The following TDRD9 variants were observed in gnomAD, a reference collection of about 807,000 sequenced individuals.
The protein encoded by TDRD9 is tudor domain containing 9, also known as ATP-dependent RNA helicase TDRD9.
TDRD9 carries 124 observed loss-of-function variants against 172.6 expected under a neutral mutation model. The observed-to-expected ratio is 0.72, with a 90% CI of 0.62 to 0.83. The LOEUF (loss-of-function observed/expected upper bound fraction) is 0.83, where lower values mean the gene tolerates loss of function less well. Ranked by LOEUF, TDRD9 falls within the 40% of genes least tolerant of loss-of-function variation. The pLI, the probability that TDRD9 is intolerant of heterozygous loss-of-function variation, is 0.00. For synonymous variants in TDRD9, 619 were observed against 617.1 expected, an observed-to-expected ratio of 1.00 and a Z score of -0.05; for missense variants, 1,479 against 1,714.1, an observed-to-expected ratio of 0.86 and a Z score of 2.42.
At chr14:104,030,577 G>GGCTGTCGGA (rs1350933614) in intron 28 of TDRD9, among the ~76,000 whole-genome samples, 2 of 152,204 alleles carry the variant, frequency 1.3e-5, no homozygotes, top group Admixed American at 6.5e-5. Context: ...ATGTTGCAAA[G>GGCTGTCGGA]GCTGTCGGAT....
At chr14:103,977,967 C>T (rs2033322269) in intron 7 of TDRD9, among the ~76,000 whole-genome samples, 1 of 152,146 alleles carries the variant, frequency 6.6e-6, no homozygotes, top group Non-Finnish European at 1.5e-5. Context: ...TCTTAAAAAT[C>T]AGTTGGCTGT....
chr14:104,001,283 C>T (rs1458282871), intron 13 of TDRD9, among the ~76,000 whole-genome samples: 3 of 152,210 alleles, frequency 2.0e-5, no homozygotes, highest in South Asian at 2.1e-4. Flanking sequence ...TCTGCAGCTT[C>T]GTAATTTCCG....
intron 4 of TDRD9, 52 bp downstream of exon 4, chr14:103,965,606 C>T: frequency 2.0e-6 from 3 of 1,464,758 alleles, no homozygotes; most frequent in African/African-American, 1.4e-5. Flanking sequence ...CTCTCTATTC[C>T]TTAATTTTAT....
At chr14:103,988,636 G>C (rs8003573) in intron 8 of TDRD9, among the ~76,000 whole-genome samples, 1,589 of 148,562 alleles carry the variant, frequency 0.011, 37 homozygotes, top group African/African-American at 0.037. Flanking sequence ...TTGTTCCTCT[G>C]TTTCTCTTTT....
In TDRD9 at chr14:104,042,724, G is replaced by A. The variant is rs560819576; in HGVS notation, c.3974+537G>A. Reference sequence around the variant, plus strand: ...AAGAAGAGTGGGAGTGGTCATGGAGGAGAAACCAGCATTCCACCTACCCAG... The same window carrying A: ...AAGAAGAGTGGGAGTGGTCATGGAGAAGAAACCAGCATTCCACCTACCCAG... On this transcript the variant is annotated intron_variant, in intron 34 of 35. Transcript: ENST00000409874. 2.0e-5 allele frequency among the ~76,000 whole-genome samples: 3 copies of A among 152,258 alleles called. No individual in the cohort carries two copies. In the South Asian group the frequency reaches 6.2e-4, roughly 32 times the overall value.
intron 9 of TDRD9, 87 bp downstream of exon 9, chr14:103,991,311 T>G: frequency 7.3e-7 from 1 of 1,361,130 alleles, no homozygotes; most frequent in Non-Finnish European, 1.0e-6. Context: ...TGAAAGATGG[T>G]ATTCTCCATA....
chr14:103,956,335 G>A (rs906817802), intron 2 of TDRD9, among the ~76,000 whole-genome samples: 1 of 151,564 alleles, frequency 6.6e-6, no homozygotes, highest in African/African-American at 2.4e-5. Flanking sequence ...CTACATGGGA[G>A]GCTGAGGCAG....
chr14:104,031,155 C>T lies in TDRD9; in HGVS notation c.3330C>T (p.Asn1110=). Reference sequence around the variant, plus strand: ...GCCTCTTTTCCAAGTCAGTAGAAAACATGACAGATGGCTCTGTGCCCTTTC... The same window carrying T: ...GCCTCTTTTCCAAGTCAGTAGAAAATATGACAGATGGCTCTGTGCCCTTTC... ...LKGLFSKSVE[N]MTDGSVPFPM... Residue 1110 remains asparagine (N), a synonymous_variant, in exon 29 of 36, where the codon AAC becomes AAT. Coordinates refer to ENST00000409874, the MANE Select transcript of TDRD9 (RefSeq NM_153046.3). 1 of 1,551,628 alleles carries T rather than the reference C, an allele frequency of 6.4e-7. No individual in the cohort carries two copies. Among genetic ancestry groups the T allele is most frequent in the South Asian group, 1.2e-5 (1 of 84,050 alleles).
intron 23 of TDRD9, among the ~76,000 whole-genome samples, chr14:104,019,335 T>C (rs1304980310): frequency 6.6e-6 from 1 of 152,150 alleles, no homozygotes; most frequent in East Asian, 1.9e-4. Context: ...CCTGTTCTTC[T>C]TGCCTGGGAC....
At position 103,997,122 on chromosome 14, in the gene TDRD9, T is replaced by C. The variant is rs2034085740; in HGVS notation, c.1378+1315T>C. Among the ~76,000 whole-genome samples, 1 of 152,008 alleles carries C rather than the reference T, an allele frequency of 6.6e-6. No individual in the cohort carries two copies. Among genetic ancestry groups the C allele is most frequent in the Admixed American group, 6.6e-5 (1 of 15,262 alleles). ...CTGTGCTGGGCAAGATGGAAAATCGTTGGTAGGTTTTGAAAACAGAAATGA... is the reference window on the plus strand; with the variant it reads ...CTGTGCTGGGCAAGATGGAAAATCGCTGGTAGGTTTTGAAAACAGAAATGA... On this transcript the variant is annotated intron_variant, in intron 12 of 35. Transcript: ENST00000409874. This position sits in a 1 kb window ranked among gnomAD's most constrained non-coding sequence, Gnocchi z 5.1.
chr14:104,003,524 TG>T (rs2034331236), intron 13 of TDRD9, among the ~76,000 whole-genome samples: 1 of 152,172 alleles, frequency 6.6e-6, no homozygotes, highest in African/African-American at 2.4e-5. Flanking sequence ...TCCCCATAGG[TG>T]GGGAAAGAAT....
At chr14:103,999,619 C>CTT (rs889915089) in intron 13 of TDRD9, among the ~76,000 whole-genome samples, 1 of 143,594 alleles carries the variant, frequency 7.0e-6, no homozygotes, top group African/African-American at 2.6e-5. Context: ...TGAGAAGTGG[C>CTT]TTTTTTTTTT....
rs2035944538 is a variant in TDRD9 at position 104,051,884 on chromosome 14, T to A, written c.4048-97T>A. The A allele has an allele frequency of 2.3e-5, 16 of 708,598 alleles. No homozygotes were observed. The East Asian group carries it at 4.5e-4, about 20-fold the overall frequency. 43.9% of individuals were successfully genotyped at this position (708,598 alleles called of 1,614,324 possible). ...CTGTAAATATTTTTGGAGAACTGAA[T>A]TATACTTTGTGCATCCTGGATGTTA... is the stretch of plus-strand genomic sequence containing the variant. On this transcript the variant is annotated intron_variant, in intron 35 of 35. Coordinates refer to ENST00000409874, the MANE Select transcript of TDRD9 (RefSeq NM_153046.3).
At position 103,938,438 on chromosome 14, in the gene TDRD9, A is replaced by ATT. The variant is rs1354196439; in HGVS notation, c.215+9715_215+9716insTT. ...TGTATATATATATATATATATATAT[A>ATT]TATTTTTTTTTTTTTTTTGAGATGG... On this transcript the variant is annotated intron_variant, in intron 1 of 35. Coordinates refer to ENST00000409874, the MANE Select transcript of TDRD9 (RefSeq NM_153046.3). Among the ~76,000 whole-genome samples the ATT allele has an allele frequency of 2.5e-3, 104 of 41,736 alleles. 4 individuals carry two copies. The highest frequency in any genetic ancestry group is 5.2e-3 in the South Asian group (4 of 772). The allele number at this position is 41,736 out of a possible 152,430, so 27.4% of individuals were successfully genotyped here. A position where few individuals can be genotyped will look rare whatever the true frequency, so the allele number is the denominator to read the frequency against.
At chr14:103,950,420 C>T (rs1034958844) in intron 1 of TDRD9, among the ~76,000 whole-genome samples, 1 of 152,194 alleles carries the variant, frequency 6.6e-6, no homozygotes, top group African/African-American at 2.4e-5. Context: ...ATAAATGTCC[C>T]TTCTTCCACC....
Position 104,018,139 on chromosome 14 carries a change from GTC to G in TDRD9, c.2385_2386del (p.Phe796Ter). 6.2e-7 allele frequency: 1 copy of G among 1,609,258 alleles called. No homozygotes were observed. The highest frequency in any genetic ancestry group is 8.5e-7 in the Non-Finnish European group (1 of 1,176,956). Reference protein sequence around the residue: ...YGFLYYKQLQSLFRQCGQVKS... With the variant: ...YGFLYYKQLQXLFRQCGQVKS... ...GATTTCTTTACTATAAACAACTACA[GTC>G]TCTCTTTAGACAGTGTGGTCAAGTC... On this transcript the variant is annotated frameshift_variant, in exon 23 of 36. Transcript: ENST00000409874. LOFTEE classifies it high-confidence loss of function.
At chr14:104,030,849 G>A (rs940973219) in intron 28 of TDRD9, among the ~76,000 whole-genome samples, 2 of 152,042 alleles carry the variant, frequency 1.3e-5, no homozygotes, top group African/African-American at 4.8e-5. Context: ...GAGAGGGGAG[G>A]GATAGCATCA....
In TDRD9 at chr14:103,998,088, C is replaced by CCA. The variant is rs1472281366; in HGVS notation, c.1379-533_1379-532dup. Among the ~76,000 whole-genome samples, 17 of 152,024 alleles carry CCA rather than the reference C, an allele frequency of 1.1e-4. No homozygotes were observed. The East Asian group carries it at 3.3e-3, about 29-fold the overall frequency. The stretch of plus-strand genomic sequence containing the variant: ...GGTGTGGTGGAGGGGAGGAGGCAGG[C>CCA]CACAGATGAGGATACTAAAGCGCAG... On this transcript the variant is annotated intron_variant, in intron 12 of 35. Coordinates refer to ENST00000409874, the MANE Select transcript of TDRD9 (RefSeq NM_153046.3).
At chr14:103,972,626 G>A (rs143974503) in intron 6 of TDRD9, among the ~76,000 whole-genome samples, 1 of 152,330 alleles carries the variant, frequency 6.6e-6, no homozygotes, top group East Asian at 1.9e-4. Flanking sequence ...ATAAAAGGCC[G>A]CATGGTTGGG....
Sources: gnomAD v4.1 joint callset for allele counts (sites outside exome capture counted in the v4.1 genomes callset) on GRCh38, gnomAD v4.1.1 for gene constraint, Gnocchi (gnomAD v3.1) non-coding constraint, MANE v1.5 for transcripts, NCBI Gene and HGNC (gene_info 2026-07-23, HGNC 2026-07-21) for gene names.